KDM4C: variants seen among roughly 807,000 people sequenced by gnomAD.
KDM4C encodes lysine demethylase 4C.
A neutral mutation model predicts 129.3 loss-of-function variants in KDM4C; 81 were observed. The observed-to-expected ratio is 0.63, with a 90% CI of 0.52 to 0.75. The LOEUF (loss-of-function observed/expected upper bound fraction) is 0.75, where lower values mean the gene tolerates loss of function less well. Among genes scored for constraint, KDM4C ranks in the 30% least tolerant of loss-of-function variants. The pLI is 0.00. For synonymous variants in KDM4C, 573 were observed against 456.1 expected (o/e 1.26, Z -3.26); for missense variants, 1,457 against 1,304.0 (o/e 1.12, Z -1.81).
At chr9:7,130,868 C>G (rs1483244628) in intron 19 of KDM4C, among the ~76,000 whole-genome samples, 1 of 151,836 alleles carries the variant, frequency 6.6e-6, no homozygotes, top group Non-Finnish European at 1.5e-5. Context: ...CGGTGATCCT[C>G]TCGCCTCAGC....
Position 6,899,294 on chromosome 9 carries a change from C to G in KDM4C, c.921+6062C>G, listed in dbSNP as rs527688016. Among the ~76,000 whole-genome samples the G allele has an allele frequency of 6.6e-5, 10 of 152,164 alleles. 1 individual carries two copies. The East Asian group carries it at 1.5e-3, about 23-fold the overall frequency. On this transcript the variant is annotated intron_variant, in intron 8 of 21. Coordinates refer to ENST00000381309, the MANE Select transcript of KDM4C (RefSeq NM_015061.6). ...ATCAATATCCTTAACCAGAGAGGTG[C>G]ATTTGTTACAAATAAAGAACCTACA...
chr9:6,826,229 A>G (rs1833847306), intron 4 of KDM4C, among the ~76,000 whole-genome samples: 1 of 148,134 alleles, frequency 6.8e-6, no homozygotes, highest in Non-Finnish European at 1.5e-5. Flanking sequence ...TTGGTGTCCT[A>G]TTCTTTCCAT....
intron 12 of KDM4C, among the ~76,000 whole-genome samples, chr9:7,008,944 C>G (rs1822185746): frequency 6.6e-6 from 1 of 152,190 alleles, no homozygotes; most frequent in African/African-American, 2.4e-5. Context: ...ACTAGTTCTT[C>G]AAATGCATGG....
At chr9:6,991,724 G>C (rs916199302) in intron 12 of KDM4C, among the ~76,000 whole-genome samples, 6 of 152,026 alleles carry the variant, frequency 3.9e-5, no homozygotes, top group Non-Finnish European at 7.4e-5. Flanking sequence ...TTTCACTTAT[G>C]TCCCATGTTT....
At chr9:6,771,730 A>T (rs926847452) in intron 1 of KDM4C, among the ~76,000 whole-genome samples, 2 of 152,186 alleles carry the variant, frequency 1.3e-5, no homozygotes, top group African/African-American at 4.8e-5. Context: ...AAAAGTCACA[A>T]TGTAGAATTG....
chr9:6,795,327 T>TA, intron 2 of KDM4C, among the ~76,000 whole-genome samples: 1 of 149,554 alleles, frequency 6.7e-6, no homozygotes, highest in African/African-American at 2.4e-5. Context: ...TATATATATA[T>TA]TTTTTGTTGT....
chr9:6,902,496 A>G (rs1817578217), intron 8 of KDM4C, among the ~76,000 whole-genome samples: 1 of 152,138 alleles, frequency 6.6e-6, no homozygotes, highest in African/African-American at 2.4e-5. Context: ...GGGGCAAATG[A>G]CATGTTTCTG....
chr9:6,865,041 C>G (rs1251089598), intron 5 of KDM4C, among the ~76,000 whole-genome samples: 1 of 136,544 alleles, frequency 7.3e-6, no homozygotes, highest in African/African-American at 2.8e-5. Context: ...TAGAGTCTTG[C>G]TCTATTGCCC....
At chr9:6,730,772 A>G (rs771078866) in intron 1 of KDM4C, among the ~76,000 whole-genome samples, 6 of 152,142 alleles carry the variant, frequency 3.9e-5, no homozygotes, top group Non-Finnish European at 8.8e-5. Flanking sequence ...TGACTATAGA[A>G]ATCAGAGGTG....
intron 18 of KDM4C, among the ~76,000 whole-genome samples, chr9:7,111,102 A>G (rs1432700020): frequency 1.8e-4 from 27 of 152,200 alleles, no homozygotes; most frequent in Non-Finnish European, 2.9e-5. Flanking sequence ...AAGTGTGTCA[A>G]GCAAACATTT....
chr9:6,825,517 G>A (rs1833744005), intron 4 of KDM4C, among the ~76,000 whole-genome samples: 2 of 152,152 alleles, frequency 1.3e-5, no homozygotes, highest in Admixed American at 1.3e-4. Flanking sequence ...CTGAAAGAAC[G>A]AATCACCTTC....
intron 17 of KDM4C, among the ~76,000 whole-genome samples, chr9:7,058,177 A>G (rs533672250): frequency 1.3e-5 from 2 of 152,178 alleles, no homozygotes; most frequent in African/African-American, 2.4e-5. Context: ...AGTCTCTGCT[A>G]TGGTGTCTTT....
chr9:7,162,127 T>C (rs1401107995), intron 19 of KDM4C, among the ~76,000 whole-genome samples: 1 of 152,200 alleles, frequency 6.6e-6, no homozygotes, highest in Non-Finnish European at 1.5e-5. Flanking sequence ...AAAGGAGCTG[T>C]TATGGATGAG....
chr9:6,956,656 G>A (rs1265492136), intron 8 of KDM4C, among the ~76,000 whole-genome samples: 2 of 152,296 alleles, frequency 1.3e-5, no homozygotes, highest in East Asian at 3.9e-4. Flanking sequence ...TGTGACAAAA[G>A]ATCATATAAT....
At chr9:6,776,996 G>C (rs1435495861) in intron 1 of KDM4C, among the ~76,000 whole-genome samples, 1 of 152,090 alleles carries the variant, frequency 6.6e-6, no homozygotes, top group Admixed American at 6.6e-5. Flanking sequence ...TGTATATTGA[G>C]TTTGACCCTT....
intron 6 of KDM4C, among the ~76,000 whole-genome samples, chr9:6,885,316 C>T (rs1387691607): frequency 1.3e-5 from 2 of 152,276 alleles, no homozygotes; most frequent in Non-Finnish European, 2.9e-5. Context: ...TAATGCTTTT[C>T]ACACATGCTC....
At chr9:7,099,872 CTTTTCAA>C (rs1047032700) in intron 17 of KDM4C, among the ~76,000 whole-genome samples, 1 of 152,092 alleles carries the variant, frequency 6.6e-6, no homozygotes, top group African/African-American at 2.4e-5. Flanking sequence ...AGAACATACA[CTTTTCAA>C]TTTTCAATTT....
intron 6 of KDM4C, 150 bp from the exon 7 acceptor site, chr9:6,887,810 C>T: frequency 9.7e-6 from 5 of 516,828 alleles, no homozygotes; most frequent in Non-Finnish European, 1.7e-5. Context: ...AACTCTGACT[C>T]TGAGTTTTAG....
At chr9:6,862,806 C>T (rs1442448025) in intron 5 of KDM4C, among the ~76,000 whole-genome samples, 1 of 134,484 alleles carries the variant, frequency 7.4e-6, no homozygotes, top group Non-Finnish European at 1.7e-5. Context: ...GACTTTGTCT[C>T]AAAACAAACA....
Sources: allele counts gnomAD v4.1 joint callset (sites outside exome capture counted in the v4.1 genomes callset), GRCh38; gene constraint gnomAD v4.1.1; transcripts MANE v1.5; gene names NCBI Gene and HGNC (gene_info 2026-07-23, HGNC 2026-07-21).